CRACDL: variants seen among roughly 807,000 people sequenced by gnomAD.
The protein encoded by CRACDL is CRACD like.
In CRACDL, 26 loss-of-function variants were observed where a neutral mutation model predicts 70.6. The observed-to-expected ratio is 0.37, with a 90% CI of 0.27 to 0.51. CRACDL has a LOEUF of 0.51. Ranked by LOEUF, CRACDL falls within the 20% of genes least tolerant of loss-of-function variation. The probability of loss-of-function intolerance (pLI) is 0.94; values close to 1 mark genes in which losing one functional copy is unlikely to be tolerated. For synonymous variants in CRACDL, 618 were observed against 615.2 expected, an observed-to-expected ratio of 1.00 and a Z score of -0.07; for missense variants, 1,283 against 1,376.9, an observed-to-expected ratio of 0.93 and a Z score of 1.08.
chr2:98,865,753 CT>C (rs1480246435), intron 1 of CRACDL, among the ~76,000 whole-genome samples: 1 of 151,738 alleles, frequency 6.6e-6, no homozygotes, highest in Non-Finnish European at 1.5e-5. Flanking sequence ...CCGGACCTCA[CT>C]GCAGCCAACC....
At chr2:98,902,710 C>T (rs970752804) in intron 1 of CRACDL, among the ~76,000 whole-genome samples, 3 of 152,096 alleles carry the variant, frequency 2.0e-5, no homozygotes, top group African/African-American at 4.8e-5. Context: ...CTCTCATCAC[C>T]GGGCAAACTC....
At chr2:98,866,580 T>C (rs1707156958) in intron 1 of CRACDL, among the ~76,000 whole-genome samples, 1 of 146,294 alleles carries the variant, frequency 6.8e-6, no homozygotes, top group Non-Finnish European at 1.5e-5. Context: ...CTCCTCCTCC[T>C]GGGTTCAAGT....
intron 1 of CRACDL, among the ~76,000 whole-genome samples, chr2:98,920,806 T>C (rs1708785183): frequency 6.6e-6 from 1 of 152,170 alleles, no homozygotes; most frequent in South Asian, 2.1e-4. Context: ...CTGTGTCCCC[T>C]GTCAAGTGTG....
intron 2 of CRACDL, among the ~76,000 whole-genome samples, chr2:98,844,489 C>T (rs1269426345): frequency 6.6e-6 from 1 of 152,156 alleles, no homozygotes; most frequent in Non-Finnish European, 1.5e-5. Context: ...TTCATAAGGA[C>T]ACCCATCATA....
chr2:98,900,312 G>A (rs1029475526), intron 1 of CRACDL, among the ~76,000 whole-genome samples: 5 of 146,458 alleles, frequency 3.4e-5, no homozygotes, highest in African/African-American at 1.0e-4. Flanking sequence ...TCAGTAGGAG[G>A]GGAGGCAGGG....
chr2:98,796,419 G>A (rs1225208202), intron 8 of CRACDL, among the ~76,000 whole-genome samples, 155 bp from the exon 9 acceptor site: 2 of 152,250 alleles, frequency 1.3e-5, no homozygotes, highest in East Asian at 1.9e-4. Flanking sequence ...CACTAACACC[G>A]AGTGGTCAGA....
intron 7 of CRACDL, chr2:98,809,841 T>C (rs1222153178): frequency 1.3e-5 from 2 of 152,220 alleles, no homozygotes; most frequent in Non-Finnish European, 2.9e-5. Context: ...TGAAACTGTA[T>C]CACATTTTGC....
At chr2:98,874,778 C>T (rs1707439647) in intron 1 of CRACDL, among the ~76,000 whole-genome samples, 1 of 152,182 alleles carries the variant, frequency 6.6e-6, no homozygotes, top group African/African-American at 2.4e-5. Flanking sequence ...TAGCCCAAGG[C>T]ACAGGGGACA....
chr2:98,880,230 G>A (rs1707607411), intron 1 of CRACDL, among the ~76,000 whole-genome samples: 1 of 152,236 alleles, frequency 6.6e-6, no homozygotes. Context: ...CTGATGCACG[G>A]AAGAGTGACC....
intron 1 of CRACDL, among the ~76,000 whole-genome samples, chr2:98,870,013 A>C (rs1707287630): frequency 1.3e-5 from 2 of 152,188 alleles, no homozygotes; most frequent in East Asian, 3.9e-4. Context: ...CCGGCTCCCC[A>C]GCCACCCCAC....
chr2:98,815,888 CTTG>C (rs1419239556), intron 7 of CRACDL, among the ~76,000 whole-genome samples: 1 of 152,232 alleles, frequency 6.6e-6, no homozygotes, highest in African/African-American at 2.4e-5. Flanking sequence ...GTAGTTTCAG[CTTG>C]TTGTTGGCAT....
Position 98,822,335 on chromosome 2 carries a change from G to T in CRACDL, c.1938C>A (p.Ser646Arg), listed in dbSNP as rs998540620. The T allele has an allele frequency of 6.9e-6, 10 of 1,457,964 alleles. No homozygotes were observed. The highest frequency in any genetic ancestry group is 9.0e-6 in the Non-Finnish European group (10 of 1,116,876). 90.3% of individuals were successfully genotyped at this position (1,457,964 alleles called of 1,614,324 possible). A position where few individuals can be genotyped will look rare whatever the true frequency, so the allele number is the denominator to read the frequency against. Residue 646 changes from serine to arginine, a missense_variant, in exon 7 of 10, where the codon AGC becomes AGA. Physicochemically the swap from Ser to Arg is moderately radical, Grantham distance 110. This residue lies in a region of CRACDL where 921 missense variants were observed against 881.9 expected (regional missense o/e 1.04). Transcript: ENST00000397899. The surrounding 1 kb of genome is among the most constrained non-coding windows in gnomAD (Gnocchi z 4.9). ...GAGGGCTCTTGCGCGGCCCGGCCGG[G>T]CTGGCCGCCCTGTCCCCCGAGTCCT... is the stretch of plus-strand genomic sequence containing the variant. ...GPQDSGDRAA[S>R]PAGPRKSPQE...
chr2:98,915,446 G>A (rs1708642063), intron 1 of CRACDL, among the ~76,000 whole-genome samples: 1 of 152,134 alleles, frequency 6.6e-6, no homozygotes, highest in African/African-American at 2.4e-5. Flanking sequence ...TAGGGACCAG[G>A]GATGCCCGGG....
chr2:98,833,236 AT>A (rs1705621287), intron 3 of CRACDL, among the ~76,000 whole-genome samples: 1 of 152,244 alleles, frequency 6.6e-6, no homozygotes, highest in Non-Finnish European at 1.5e-5. Flanking sequence ...TGTGTGAATT[AT>A]TTTTGTATTA....
rs372457015 is a variant in CRACDL, at chr2:98,822,140, G to C, written c.2133C>G (p.Ala711=). The C allele has an allele frequency of 3.1e-6, 5 of 1,600,936 alleles. No homozygotes were observed. Among genetic ancestry groups the C allele is most frequent in the East Asian group, 2.3e-5 (1 of 44,252 alleles). Residue 711 remains alanine (A), a synonymous_variant, in exon 7 of 10, where the codon GCC becomes GCG. Coordinates refer to ENST00000397899, the MANE Select transcript of CRACDL (RefSeq NM_207362.3). The surrounding 1 kb of genome is among the most constrained non-coding windows in gnomAD (Gnocchi z 4.9). ...QEVKGVKRYS[A]EVRLERSLTV... ...TCAGCGACCTTTCTAACCGGACCTC[G>C]GCACTGTACCTCTTCACACCCTTCA...
chr2:98,892,527 T>C (rs1220975319), intron 1 of CRACDL, among the ~76,000 whole-genome samples: 1 of 151,760 alleles, frequency 6.6e-6, no homozygotes, highest in African/African-American at 2.4e-5. Context: ...CCATCTCTAC[T>C]AAAAATACAA....
intron 7 of CRACDL, among the ~76,000 whole-genome samples, chr2:98,806,197 G>C (rs1019217882): frequency 6.6e-6 from 1 of 152,240 alleles, no homozygotes; most frequent in Non-Finnish European, 1.5e-5. Flanking sequence ...TGGGGCCCTG[G>C]GGTCTGCTTT....
intron 1 of CRACDL, among the ~76,000 whole-genome samples, chr2:98,924,442 C>T (rs1453522959): frequency 6.6e-6 from 1 of 152,244 alleles, no homozygotes; most frequent in South Asian, 2.1e-4. Context: ...ATACATGAGG[C>T]TATAATATAT....
At chr2:98,835,639 C>T (rs915174910) in intron 3 of CRACDL, among the ~76,000 whole-genome samples, 1 of 152,136 alleles carries the variant, frequency 6.6e-6, no homozygotes, top group African/African-American at 2.4e-5. Flanking sequence ...AACCCACTGG[C>T]CACTGTCAGG....
Sources: gnomAD v4.1 joint callset for allele counts (sites outside exome capture counted in the v4.1 genomes callset) on GRCh38, gnomAD v4.1.1 for gene constraint, gnomAD v4.1.1 regional missense constraint, Gnocchi (gnomAD v3.1) non-coding constraint, MANE v1.5 for transcripts, NCBI Gene and HGNC (gene_info 2026-07-23, HGNC 2026-07-21) for gene names.